Variants in DHRS7B observed in about 807,000 individuals in gnomAD.
The protein encoded by DHRS7B is dehydrogenase/reductase 7B.
DHRS7B carries 24 observed loss-of-function variants against 26.4 expected under a neutral mutation model. The observed-to-expected ratio is 0.91, with a 90% CI of 0.66 to 1.28. The LOEUF is 1.28. Among genes scored for constraint, DHRS7B ranks in the 50% most tolerant of loss-of-function variants. The pLI, the probability that DHRS7B is intolerant of heterozygous loss-of-function variation, is 0.00. For missense variants in DHRS7B, 368 were observed against 419.4 expected, an observed-to-expected ratio of 0.88 and a Z score of 1.07; for synonymous variants, 142 against 166.4, an observed-to-expected ratio of 0.85 and a Z score of 1.13.
intron 1 of DHRS7B, among the ~76,000 whole-genome samples, chr17:21,170,392 G>C (rs957260939): frequency 6.6e-6 from 1 of 152,200 alleles, no homozygotes; most frequent in African/African-American, 2.4e-5. Context: ...CTTCCTCTTG[G>C]GGCAGGGATG....
At chr17:21,138,079 T>A (rs79476848) in intron 1 of DHRS7B, among the ~76,000 whole-genome samples, 5,152 of 91,834 alleles carry the variant, frequency 0.056, 304 homozygotes, top group African/African-American at 0.098. Context: ...AAAAAAAATA[T>A]ATATATATAT....
intron 2 of DHRS7B, among the ~76,000 whole-genome samples, chr17:21,173,854 A>C (rs1320221170): frequency 6.6e-6 from 1 of 152,212 alleles, no homozygotes; most frequent in African/African-American, 2.4e-5. Context: ...GAGGGCTGGC[A>C]GAGGTGGAGC....
chr17:21,127,856 G>C (rs1176854202), intron 1 of DHRS7B: 1 of 152,152 alleles, frequency 6.6e-6, no homozygotes, highest in East Asian at 1.9e-4. Context: ...CACTGTTGCC[G>C]ATTGCAACGG....
chr17:21,164,544 C>T (rs1021325622), intron 1 of DHRS7B, among the ~76,000 whole-genome samples: 3 of 152,190 alleles, frequency 2.0e-5, no homozygotes, highest in Non-Finnish European at 4.4e-5. Context: ...GCAGTGGCCT[C>T]GGCCAGGTGC....
intron 2 of DHRS7B, among the ~76,000 whole-genome samples, chr17:21,174,641 T>C (rs1295055704): frequency 3.3e-5 from 5 of 152,362 alleles, no homozygotes; most frequent in Middle Eastern, 3.4e-3. Context: ...TCAAACAGGT[T>C]TGAGGCAGTC....
intron 3 of DHRS7B, among the ~76,000 whole-genome samples, chr17:21,181,260 AT>A (rs1175914409): frequency 1.3e-5 from 2 of 151,860 alleles, no homozygotes; most frequent in African/African-American, 4.8e-5. Context: ...TAATTTTTTC[AT>A]TTTTTGTAGG....
chr17:21,141,544 C>G (rs1301805888), intron 1 of DHRS7B, among the ~76,000 whole-genome samples: 3 of 135,380 alleles, frequency 2.2e-5, no homozygotes, highest in Non-Finnish European at 4.6e-5. Flanking sequence ...TAACTTTAAC[C>G]AAGACAAACC....
chr17:21,181,608 G>A (rs1974516131), intron 3 of DHRS7B, among the ~76,000 whole-genome samples: 1 of 152,190 alleles, frequency 6.6e-6, no homozygotes, highest in Non-Finnish European at 1.5e-5. Flanking sequence ...CATTCATGAA[G>A]TTCCCACCTT....
chr17:21,133,571 C>T (rs995432380), intron 1 of DHRS7B, among the ~76,000 whole-genome samples: 6 of 152,182 alleles, frequency 3.9e-5, no homozygotes, highest in Admixed American at 3.3e-4. Context: ...GGCAGGTTTG[C>T]CCTGAACAGT....
chr17:21,187,333 A>G (rs1974659993), intron 5 of DHRS7B, among the ~76,000 whole-genome samples: 1 of 151,504 alleles, frequency 6.6e-6, no homozygotes, highest in Non-Finnish European at 1.5e-5. Context: ...CTCTAAAAAA[A>G]CAAAACAGAA....
intron 2 of DHRS7B, 147 bp from the exon 3 acceptor site, chr17:21,178,086 C>G (rs1481434418): frequency 2.7e-6 from 2 of 741,356 alleles, no homozygotes; most frequent in Admixed American, 2.8e-5. Context: ...GCATTGGGCC[C>G]TAGCTCCCAG....
chr17:21,183,015 C>T (rs1974547473), intron 3 of DHRS7B, among the ~76,000 whole-genome samples: 1 of 152,176 alleles, frequency 6.6e-6, no homozygotes. Flanking sequence ...CCATCCGGTC[C>T]AGGACTTTTC....
At chr17:21,127,163 C>A in intron 1 of DHRS7B, 172 bp downstream of exon 1, 1 of 661,450 alleles carries the variant, frequency 1.5e-6, no homozygotes, top group Non-Finnish European at 2.4e-6. Context: ...AAGACTCAGC[C>A]CAGGCGCTGG....
At chr17:21,132,875 A>C (rs973372660) in intron 1 of DHRS7B, among the ~76,000 whole-genome samples, 1 of 152,186 alleles carries the variant, frequency 6.6e-6, no homozygotes, top group South Asian at 2.1e-4. Flanking sequence ...CTTCCTGTTT[A>C]AAGTTCCAGC....
intron 1 of DHRS7B, 63 bp from the exon 2 acceptor site, chr17:21,171,955 C>T (rs1567626232): frequency 6.3e-7 from 1 of 1,591,336 alleles, no homozygotes; most frequent in African/African-American, 1.3e-5. Flanking sequence ...AGAGGAAGAG[C>T]CTAGGAAAGT....
intron 1 of DHRS7B, among the ~76,000 whole-genome samples, chr17:21,154,573 G>A (rs1000435634): frequency 3.9e-5 from 6 of 152,164 alleles, no homozygotes; most frequent in Non-Finnish European, 8.8e-5. Flanking sequence ...AAAATGATAT[G>A]AGTCAGAAAC....
At chr17:21,184,310 C>A in intron 4 of DHRS7B, 61 bp from the exon 5 acceptor site, 1 of 1,454,474 alleles carries the variant, frequency 6.9e-7, no homozygotes, top group Non-Finnish European at 9.5e-7. Context: ...CGCCTTCCAT[C>A]AGCATCGGGT....
chr17:21,182,607 C>T (rs1243941536), intron 3 of DHRS7B, among the ~76,000 whole-genome samples: 2 of 151,996 alleles, frequency 1.3e-5, no homozygotes, highest in Non-Finnish European at 2.9e-5. Flanking sequence ...AGGCTGGCCT[C>T]GAACTCCTGG....
intron 2 of DHRS7B, among the ~76,000 whole-genome samples, chr17:21,176,940 G>A (rs1974392122): frequency 6.6e-6 from 1 of 152,048 alleles, no homozygotes. Flanking sequence ...AGGATATGTT[G>A]CAGGGGAGGG....
Sources: gnomAD v4.1 joint callset for allele counts (sites outside exome capture counted in the v4.1 genomes callset) on GRCh38, gnomAD v4.1.1 for gene constraint, MANE v1.5 for transcripts, NCBI Gene and HGNC (gene_info 2026-07-23, HGNC 2026-07-21) for gene names.